RARB: variants seen among roughly 807,000 people sequenced by gnomAD.
RARB encodes the protein HBV-activated protein.
A neutral mutation model predicts 51.9 loss-of-function variants in RARB; 17 were observed. The ratio of observed to expected loss-of-function variants is 0.33; its 90% CI spans 0.22 to 0.49. The LOEUF is 0.49. Ranked by LOEUF, RARB falls within the 20% of genes least tolerant of loss-of-function variation. RARB has a pLI of 0.99. For synonymous variants in RARB, 215 were observed against 195.4 expected (o/e 1.10, Z -0.84); for missense variants, 369 against 550.8 (o/e 0.67, Z 3.30).
At chr3:25,208,486 C>T (rs980181305) in intron 5 of RARB, among the ~76,000 whole-genome samples, 5 of 152,186 alleles carry the variant, frequency 3.3e-5, no homozygotes, top group South Asian at 2.1e-4. Context: ...TTTAAACATT[C>T]TATCAATAAA....
rs1708068270 is a variant in RARB, at chr3:25,428,462, G to C, written c.-270G>C. On this transcript the variant is annotated 5_prime_UTR_variant, in exon 1 of 8. Coordinates refer to ENST00000330688, the MANE Select transcript of RARB (RefSeq NM_000965.5). ...AAGGCTTTTTGCAAGCATTTACTTG[G>C]AAGGAGAACTTGGGATCTTTCTGGG... The C allele has an allele frequency of 7.9e-7, 1 of 1,265,550 alleles. No homozygotes were observed. The highest frequency in any genetic ancestry group is 1.5e-5 in the African/African-American group (1 of 65,294). The allele number at this position is 1,265,550 out of a possible 1,614,324, so 78.4% of individuals were successfully genotyped here. A position where few individuals can be genotyped will look rare whatever the true frequency, so the allele number is the denominator to read the frequency against.
chr3:25,420,821 A>G (rs905482034), intron 5 of RARB, among the ~76,000 whole-genome samples: 4 of 152,064 alleles, frequency 2.6e-5, no homozygotes, highest in African/African-American at 9.7e-5. Flanking sequence ...GGATGGGTGG[A>G]TATCAGGTAG....
At chr3:24,958,024 CTG>C (rs1696055103) in intron 2 of RARB, among the ~76,000 whole-genome samples, 1 of 152,110 alleles carries the variant, frequency 6.6e-6, no homozygotes, top group Admixed American at 6.5e-5. Flanking sequence ...TTATTGGTGA[CTG>C]TGTTTAACAA....
At chr3:25,533,600 C>T (rs1442633791) in intron 3 of RARB, among the ~76,000 whole-genome samples, 1 of 152,146 alleles carries the variant, frequency 6.6e-6, no homozygotes, top group African/African-American at 2.4e-5. Flanking sequence ...AGAGTAAGTA[C>T]TTACTTTGCA....
intron 2 of RARB, among the ~76,000 whole-genome samples, chr3:25,040,824 G>A (rs1309099614): frequency 1.3e-5 from 2 of 151,834 alleles, no homozygotes; most frequent in African/African-American, 2.4e-5. Flanking sequence ...CTTAGCCATT[G>A]TCTCACTAGA....
chr3:24,862,222 T>C (rs773575926), intron 2 of RARB, among the ~76,000 whole-genome samples: 1 of 152,238 alleles, frequency 6.6e-6, no homozygotes, highest in African/African-American at 2.4e-5. Context: ...ACTCTTGTTA[T>C]AGATTCATAC....
intron 3 of RARB, among the ~76,000 whole-genome samples, chr3:25,518,131 A>G (rs902182645): frequency 4.6e-5 from 7 of 152,210 alleles, no homozygotes; most frequent in Non-Finnish European, 1.0e-4. Flanking sequence ...TAGCATTTGA[A>G]TTGTATCTTA....
Position 25,227,021 on chromosome 3 carries a change from C to A in RARB, c.178+52446C>A, listed in dbSNP as rs1272732701. Among the ~76,000 whole-genome samples, 41 of 152,200 alleles carry A rather than the reference C, an allele frequency of 2.7e-4. 2 individuals are homozygous for A. The highest frequency in any genetic ancestry group is 1.5e-5 in the Non-Finnish European group (1 of 68,038). On this transcript the variant is annotated intron_variant, in intron 5 of 11. Coordinates refer to the RARB transcript ENST00000383772. ...TTCCTTAGTGATCCCATTTACTCTA[C>A]TTACTGTTTCGAGTTGTAGTCCACT...
chr3:25,199,708 A>G (rs1195227439), intron 5 of RARB, among the ~76,000 whole-genome samples: 1 of 151,848 alleles, frequency 6.6e-6, no homozygotes, highest in Non-Finnish European at 1.5e-5. Context: ...TGGTTTCTTG[A>G]CCTTGCGATA....
intron 2 of RARB, among the ~76,000 whole-genome samples, chr3:24,872,937 G>A (rs553934943): frequency 1.8e-4 from 28 of 152,232 alleles, no homozygotes; most frequent in Non-Finnish European, 3.5e-4. Context: ...ATTTTCTAAC[G>A]TCCTGTATCA....
chr3:24,979,581 GTTTTGTT>G (rs1173201340), intron 2 of RARB, among the ~76,000 whole-genome samples: 9 of 151,076 alleles, frequency 6.0e-5, no homozygotes, highest in South Asian at 2.1e-4. Flanking sequence ...TTTTTGTTTT[GTTTTGTT>G]TTTTGTTTTT....
At chr3:24,984,059 T>C (rs1235930467) in intron 2 of RARB, among the ~76,000 whole-genome samples, 1 of 152,196 alleles carries the variant, frequency 6.6e-6, no homozygotes, top group East Asian at 1.9e-4. Context: ...GGTATCATTA[T>C]AGATTAATAA....
At chr3:25,374,106 G>A (rs1706385353) in intron 5 of RARB, among the ~76,000 whole-genome samples, 1 of 152,182 alleles carries the variant, frequency 6.6e-6, no homozygotes, top group Non-Finnish European at 1.5e-5. Context: ...AGAGTCATGA[G>A]CAGGGTGAAT....
At chr3:25,482,865 A>G (rs1015451191) in intron 2 of RARB, among the ~76,000 whole-genome samples, 9 of 152,134 alleles carry the variant, frequency 5.9e-5, no homozygotes, top group African/African-American at 2.2e-4. Context: ...TTAAAAAGAA[A>G]CAAATGAAGT....
At chr3:25,546,505 C>T (rs954527750) in intron 3 of RARB, among the ~76,000 whole-genome samples, 2 of 152,010 alleles carry the variant, frequency 1.3e-5, no homozygotes, top group African/African-American at 4.8e-5. Flanking sequence ...ACATTCAGGC[C>T]CAGTTGCAAG....
intron 2 of RARB, among the ~76,000 whole-genome samples, chr3:25,024,048 T>A (rs1349053688): frequency 1.3e-5 from 2 of 152,314 alleles, no homozygotes; most frequent in Non-Finnish European, 2.9e-5. Context: ...CCCTAGGGAC[T>A]ATCAAGCTCT....
At chr3:25,224,288 G>A (rs939457059) in intron 5 of RARB, among the ~76,000 whole-genome samples, 1 of 152,136 alleles carries the variant, frequency 6.6e-6, no homozygotes, top group Non-Finnish European at 1.5e-5. Context: ...AAACCTAAGA[G>A]GACTGCTAGT....
chr3:25,105,679 T>C (rs940216224), intron 3 of RARB, among the ~76,000 whole-genome samples: 1 of 152,216 alleles, frequency 6.6e-6, no homozygotes, highest in South Asian at 2.1e-4. Context: ...ATCTGCCTTG[T>C]AGTTGGGATT....
At chr3:25,037,748 T>C (rs1202109885) in intron 2 of RARB, among the ~76,000 whole-genome samples, 8 of 151,834 alleles carry the variant, frequency 5.3e-5, no homozygotes. Context: ...TATAGTGAAG[T>C]TGAGAGCAAA....
Sources: allele counts gnomAD v4.1 joint callset (sites outside exome capture counted in the v4.1 genomes callset), GRCh38; gene constraint gnomAD v4.1.1; transcripts MANE v1.5; gene names NCBI Gene and HGNC (gene_info 2026-07-23, HGNC 2026-07-21).